CDH12: variants seen among roughly 807,000 people sequenced by gnomAD.
CDH12 encodes the protein cadherin 12.
In CDH12, 41 loss-of-function variants were observed where a neutral mutation model predicts 74.1. The observed-to-expected ratio is 0.55, with a 90% CI of 0.43 to 0.72. The LOEUF (loss-of-function observed/expected upper bound fraction) is 0.72, where lower values mean the gene tolerates loss of function less well. Among genes scored for constraint, CDH12 ranks in the 30% least tolerant of loss-of-function variants. The pLI, the probability that CDH12 is intolerant of heterozygous loss-of-function variation, is 0.00. For synonymous variants in CDH12, 399 were observed against 355.0 expected (o/e 1.12, Z -1.39); for missense variants, 945 against 977.2 (o/e 0.97, Z 0.44).
At chr5:22,377,040 A>C (rs1268743376) in intron 3 of CDH12, among the ~76,000 whole-genome samples, 1 of 152,146 alleles carries the variant, frequency 6.6e-6, no homozygotes, top group Non-Finnish European at 1.5e-5. Flanking sequence ...GGCAACAAGC[A>C]GATCTCAAGG....
intron 3 of CDH12, among the ~76,000 whole-genome samples, chr5:22,250,801 T>G (rs1019021289): frequency 6.6e-6 from 1 of 152,126 alleles, no homozygotes; most frequent in African/African-American, 2.4e-5. Flanking sequence ...AAGAGAGGGC[T>G]TGCCCTTAAT....
intron 1 of CDH12, among the ~76,000 whole-genome samples, chr5:22,812,655 C>T (rs879626859): frequency 3.9e-5 from 6 of 152,086 alleles, no homozygotes; most frequent in Non-Finnish European, 7.4e-5. Flanking sequence ...GGGAAAAGTG[C>T]AGCAAGGATT....
intron 6 of CDH12, among the ~76,000 whole-genome samples, chr5:21,972,490 T>G (rs1756894135): frequency 1.3e-5 from 2 of 152,186 alleles, no homozygotes; most frequent in African/African-American, 4.8e-5. Flanking sequence ...GAAAAAAAAG[T>G]ATAGAAAAAC....
At chr5:21,752,324 GC>G in intron 14 of CDH12, 88 bp from the exon 15 acceptor site, 1 of 1,199,674 alleles carries the variant, frequency 8.3e-7, no homozygotes, top group Non-Finnish European at 1.2e-6. Flanking sequence ...ATTAGGGGTG[GC>G]TGAGTTTCGT....
rs138330199 is a variant in CDH12 at position 21,777,340 on chromosome 5, T to A, written c.1393+6018A>T. Among the ~76,000 whole-genome samples, 221 of 152,268 alleles carry A rather than the reference T, an allele frequency of 1.5e-3. 9 individuals carry two copies. The East Asian group carries it at 0.04, about 28-fold the overall frequency. Reference sequence around the variant, plus strand: ...CTATTCTGAGTCTCTGTTTTTTCTTTCTAAAATGCAAATTTCTATTGAATT... The same window carrying A: ...CTATTCTGAGTCTCTGTTTTTTCTTACTAAAATGCAAATTTCTATTGAATT... On this transcript the variant is annotated intron_variant, in intron 11 of 14. Transcript: ENST00000382254.
intron 1 of CDH12, among the ~76,000 whole-genome samples, chr5:22,694,778 T>C (rs547850246): frequency 4.4e-4 from 67 of 151,986 alleles, no homozygotes; most frequent in African/African-American, 1.6e-3. Flanking sequence ...GGCATATATA[T>C]ATACACACAC....
chr5:22,415,807 TA>T (rs1743358207), intron 2 of CDH12, among the ~76,000 whole-genome samples: 1 of 152,076 alleles, frequency 6.6e-6, no homozygotes, highest in Admixed American at 6.5e-5. Context: ...AAAAATATCC[TA>T]AAACATTTGG....
At chr5:22,206,677 TGCAAAAA>T in intron 4 of CDH12, among the ~76,000 whole-genome samples, 1 of 29,916 alleles carries the variant, frequency 3.3e-5, no homozygotes, top group African/African-American at 2.5e-4. Context: ...TGGATTCCAC[TGCAAAAA>T]AAAAAAAAAA....
chr5:22,389,648 CA>C (rs1184162182), intron 3 of CDH12, among the ~76,000 whole-genome samples: 1,634 of 119,754 alleles, frequency 0.014, 30 homozygotes, highest in African/African-American at 0.045. Flanking sequence ...AATAAAAAGA[CA>C]ATTTTTTTTT....
intron 2 of CDH12, among the ~76,000 whole-genome samples, chr5:22,460,877 C>T (rs1671691241): frequency 6.6e-6 from 1 of 150,824 alleles, no homozygotes; most frequent in African/African-American, 2.4e-5. Context: ...CCTGCCACCA[C>T]ACCTGGCTAG....
intron 1 of CDH12, among the ~76,000 whole-genome samples, chr5:22,774,335 C>T (rs2126321996): frequency 6.6e-6 from 1 of 152,216 alleles, no homozygotes; most frequent in Middle Eastern, 3.4e-3. Flanking sequence ...AACATGGATG[C>T]AGCTGGAGGC....
chr5:22,028,842 C>T (rs557835592), intron 5 of CDH12, among the ~76,000 whole-genome samples: 27 of 152,232 alleles, frequency 1.8e-4, no homozygotes, highest in African/African-American at 5.5e-4. Flanking sequence ...GGAGGCATCA[C>T]GCTACCTCAC....
intron 1 of CDH12, among the ~76,000 whole-genome samples, chr5:22,779,822 A>G (rs1254125980): frequency 2.6e-5 from 4 of 152,054 alleles, no homozygotes; most frequent in Admixed American, 6.6e-5. Context: ...TTTTTTCTTT[A>G]TGAAGTACCC....
chr5:22,132,702 G>T (rs1198520007), intron 4 of CDH12, among the ~76,000 whole-genome samples: 1 of 152,062 alleles, frequency 6.6e-6, no homozygotes, highest in Non-Finnish European at 1.5e-5. Flanking sequence ...AAAAGGTAGG[G>T]CCTAATCCAG....
intron 10 of CDH12, among the ~76,000 whole-genome samples, chr5:21,794,422 T>A (rs1336154274): frequency 6.6e-6 from 1 of 151,726 alleles, no homozygotes; most frequent in Non-Finnish European, 1.5e-5. Flanking sequence ...CTCTTGCGGG[T>A]CCTAAACACG....
chr5:22,422,632 A>C (rs1743703795), intron 2 of CDH12, among the ~76,000 whole-genome samples: 2 of 152,186 alleles, frequency 1.3e-5, no homozygotes, highest in South Asian at 4.1e-4. Flanking sequence ...TTTTTTATAT[A>C]TTGAGAACCT....
chr5:21,830,928 A>C (rs1417085840), intron 8 of CDH12, among the ~76,000 whole-genome samples: 1 of 151,930 alleles, frequency 6.6e-6, no homozygotes, highest in Non-Finnish European at 1.5e-5. Flanking sequence ...AATCCCAGCT[A>C]CTCGGGAGGC....
At chr5:21,988,840 T>A (rs1034442954) in intron 5 of CDH12, among the ~76,000 whole-genome samples, 1 of 152,134 alleles carries the variant, frequency 6.6e-6, no homozygotes, top group African/African-American at 2.4e-5. Flanking sequence ...GCTTTTGGAT[T>A]TTTTAACAAA....
At chr5:21,851,829 T>A (rs1381924424) in intron 7 of CDH12, among the ~76,000 whole-genome samples, 1 of 151,342 alleles carries the variant, frequency 6.6e-6, no homozygotes, top group African/African-American at 2.4e-5. Flanking sequence ...CAAACAGCAG[T>A]GTCAATACAG....
Sources: gnomAD v4.1 joint callset for allele counts (sites outside exome capture counted in the v4.1 genomes callset) on GRCh38, gnomAD v4.1.1 for gene constraint, MANE v1.5 for transcripts, NCBI Gene and HGNC (gene_info 2026-07-23, HGNC 2026-07-21) for gene names.